ENTPD7: variants seen among roughly 807,000 people sequenced by gnomAD.
ENTPD7 encodes the protein ectonucleoside triphosphate diphosphohydrolase 7, also known as NTPDase 7.
In ENTPD7, 53 loss-of-function variants were observed where a neutral mutation model predicts 77.9. The ratio of observed to expected loss-of-function variants is 0.68; its 90% CI spans 0.55 to 0.85. The LOEUF (loss-of-function observed/expected upper bound fraction) is 0.85. ENTPD7 is among the 40% of genes least tolerant of loss of function. ENTPD7 has a pLI of 0.00. For synonymous variants in ENTPD7, 248 were observed against 274.9 expected (o/e 0.90, Z 0.97); for missense variants, 636 against 743.7 (o/e 0.86, Z 1.68).
At chr10:99,679,932 A>C in intron 5 of ENTPD7, 57 bp downstream of exon 5, 3 of 1,565,260 alleles carry the variant, frequency 1.9e-6, no homozygotes, top group Non-Finnish European at 2.6e-6. Context: ...ATGAAAGGCC[A>C]GTTTCATGCA....
At chr10:99,660,067 G>A in intron 2 of ENTPD7, 103 bp downstream of exon 2, 2 of 1,547,206 alleles carry the variant, frequency 1.3e-6, no homozygotes, top group Admixed American at 3.5e-5. Context: ...CCCTGGAGCT[G>A]CACTTGGACT....
chr10:99,666,179 T>C (rs1157637730), intron 3 of ENTPD7, among the ~76,000 whole-genome samples: 5 of 152,124 alleles, frequency 3.3e-5, no homozygotes, highest in African/African-American at 9.7e-5. Context: ...TTGAAAGGTT[T>C]TGAAGAGTGA....
At chr10:99,703,629 G>A (rs1020908773) in intron 12 of ENTPD7, among the ~76,000 whole-genome samples, 6 of 152,050 alleles carry the variant, frequency 3.9e-5, no homozygotes, top group African/African-American at 7.2e-5. Context: ...TTTTCATATC[G>A]CCTTATTTTT....
rs1304642291 is a variant in ENTPD7 at position 99,661,620 on chromosome 10, A to G, written c.183A>G (p.Gln61=). Residue 61 remains glutamine (Q), a synonymous_variant, in exon 3 of 13, where the codon CAA becomes CAG. Coordinates refer to ENST00000370489, the MANE Select transcript of ENTPD7 (RefSeq NM_020354.5). ...GTGCTTCATTACCACGAGATAGGCA[A>G]TACGAAAGGTGAGTCAGCTTTAGAT... The part of the protein sequence containing the change: ...HWSASLPRDR[Q]YERYLARVGE... The G allele has an allele frequency of 3.7e-6, 6 of 1,604,206 alleles. No homozygotes were observed. The highest frequency in any genetic ancestry group is 5.1e-6 in the Non-Finnish European group (6 of 1,176,328).
intron 2 of ENTPD7, 136 bp downstream of exon 2, chr10:99,660,100 C>A: frequency 2.3e-6 from 3 of 1,330,978 alleles, no homozygotes; most frequent in Non-Finnish European, 2.1e-6. Flanking sequence ...TAGTTGGATG[C>A]AGAGACGATC....
intron 3 of ENTPD7, among the ~76,000 whole-genome samples, chr10:99,677,971 T>C (rs752184400): frequency 3.9e-5 from 6 of 152,170 alleles, no homozygotes; most frequent in Non-Finnish European, 7.4e-5. Context: ...TTCATCTTCC[T>C]GATGTCAGCC....
At chr10:99,694,800 G>A (rs1374777977) in intron 8 of ENTPD7, among the ~76,000 whole-genome samples, 1 of 152,192 alleles carries the variant, frequency 6.6e-6, no homozygotes, top group Non-Finnish European at 1.5e-5. Context: ...GCCTCCCAAA[G>A]TGCTGGGATT....
At chr10:99,660,432 C>A in intron 2 of ENTPD7, 1 of 1,007,892 alleles carries the variant, frequency 9.9e-7, no homozygotes, top group Non-Finnish European at 1.3e-6. Flanking sequence ...TCTACATGCA[C>A]CAATAAGGGA....
chr10:99,661,537 C>T lies in ENTPD7; in HGVS notation c.100C>T (p.Leu34Phe). ...CCGTCAGCGGGTGGCATTCCTGGGA[C>T]TCTTCTTCATATCCTGTCTCCTTTT... ...FLRQRVAFLG[L>F]FFISCLLLLM... The change falls in exon 3 of 13, where the codon CTC (leucine) becomes TTC (phenylalanine). Residue 34 changes from leucine (L) to phenylalanine (F), a missense_variant. Physicochemically the swap from Leu to Phe is conservative, Grantham distance 22 (BLOSUM62 0). Coordinates refer to ENST00000370489, the MANE Select transcript of ENTPD7 (RefSeq NM_020354.5). 1 of 1,613,940 alleles carries T rather than the reference C, an allele frequency of 6.2e-7. No individual in the cohort carries two copies. Among genetic ancestry groups the T allele is most frequent in the Non-Finnish European group, 8.5e-7 (1 of 1,179,940 alleles).
chr10:99,704,722 T>C lies in ENTPD7; in HGVS notation c.*39T>C, dbSNP rs1461168561. The stretch of plus-strand genomic sequence containing the variant: ...CTAGAGAAGCTTGAGCACCCCCGAG[T>C]TGCTGCTCATTGAATTCCTCCACTT... On this transcript the variant is annotated 3_prime_UTR_variant, in exon 13 of 13. Coordinates refer to ENST00000370489, the MANE Select transcript of ENTPD7 (RefSeq NM_020354.5). 6.5e-7 allele frequency: 1 copy of C among 1,548,536 alleles called. No homozygotes were observed. The highest frequency in any genetic ancestry group is 1.2e-5 in the South Asian group (1 of 86,880).
rs1488868593 is a variant in ENTPD7, at chr10:99,705,986, A to C, written c.*1303A>C. 6.6e-6 allele frequency: 1 copy of C among 152,020 alleles called. No individual in the cohort carries two copies. The highest frequency in any genetic ancestry group is 1.5e-5 in the Non-Finnish European group (1 of 68,008). 9.4% of individuals were successfully genotyped at this position (152,020 alleles called of 1,614,324 possible). A position where few individuals can be genotyped will look rare whatever the true frequency, so the allele number is the denominator to read the frequency against. On this transcript the variant is annotated 3_prime_UTR_variant, in exon 13 of 13. Transcript: ENST00000370489. Reference sequence around the variant, plus strand: ...CCGCATGGAATCTTTCTTATATTTTACCCTTTCCTACATGTAGCCTTGAAT... The same window carrying C: ...CCGCATGGAATCTTTCTTATATTTTCCCCTTTCCTACATGTAGCCTTGAAT...
At position 99,705,371 on chromosome 10, in the gene ENTPD7, G is replaced by A. The variant is rs1217143695; in HGVS notation, c.*688G>A. ...GATTTTAGTATCTTATCTGATGCCT[G>A]GTATGATGAGGATAGAAAATTTTTC... On this transcript the variant is annotated 3_prime_UTR_variant, in exon 13 of 13. Coordinates refer to ENST00000370489, the MANE Select transcript of ENTPD7 (RefSeq NM_020354.5). 1 of 152,638 alleles carries A rather than the reference G, an allele frequency of 6.6e-6. No homozygotes were observed. The highest frequency in any genetic ancestry group is 1.5e-5 in the Non-Finnish European group (1 of 68,076). 9.5% of individuals were successfully genotyped at this position (152,638 alleles called of 1,614,324 possible).
In ENTPD7 at chr10:99,711,001, G is replaced by A. The variant is rs1266949545; in HGVS notation, c.*6318G>A. 16 of 984,718 alleles carry A rather than the reference G, an allele frequency of 1.6e-5. No individual in the cohort carries two copies. The highest frequency in any genetic ancestry group is 1.9e-5 in the Non-Finnish European group (16 of 829,656). 61.0% of individuals were successfully genotyped at this position (984,718 alleles called of 1,614,324 possible). A position where few individuals can be genotyped will look rare whatever the true frequency, so the allele number is the denominator to read the frequency against. On this transcript the variant is annotated 3_prime_UTR_variant, in exon 13 of 13. Transcript: ENST00000370489. ...GTGATGACTTGTTTTTTTGGAAAAAGGTATTTGGAACATCAATCTGTAATT... is the reference window on the plus strand; with the variant it reads ...GTGATGACTTGTTTTTTTGGAAAAAAGTATTTGGAACATCAATCTGTAATT...
chr10:99,690,922 A>C lies in ENTPD7; in HGVS notation c.710-463A>C, dbSNP rs561407091. On this transcript the variant is annotated intron_variant, in intron 7 of 12. Transcript: ENST00000370489. ...ACTAGGGATACGTAGTCAAAATGTC[A>C]TGTTTAAGTAATTCACAAGAATTAT... Among the ~76,000 whole-genome samples the C allele has an allele frequency of 3.4e-4, 52 of 152,292 alleles. 1 individual carries two copies. The highest frequency in any genetic ancestry group is 1.2e-3 in the African/African-American group (49 of 41,572).
chr10:99,709,065 G>C lies in ENTPD7; in HGVS notation c.*4382G>C. 1.0e-6 allele frequency: 1 copy of C among 982,004 alleles called. No homozygotes were observed. The highest frequency in any genetic ancestry group is 1.2e-6 in the Non-Finnish European group (1 of 827,016). The allele number at this position is 982,004 out of a possible 1,614,324, so 60.8% of individuals were successfully genotyped here. A position where few individuals can be genotyped will look rare whatever the true frequency, so the allele number is the denominator to read the frequency against. On this transcript the variant is annotated 3_prime_UTR_variant, in exon 13 of 13. Transcript: ENST00000370489. The stretch of plus-strand genomic sequence containing the variant: ...TATTCTTGTTCCTGTATTTCTTTTC[G>C]TACTTTTAAATTTTATACATCTTTT...
At position 99,704,897 on chromosome 10, in the gene ENTPD7, A is replaced by T. The variant is rs1443683758; in HGVS notation, c.*214A>T. The T allele has an allele frequency of 3.4e-6, 2 of 586,386 alleles. No homozygotes were observed. Among genetic ancestry groups the T allele is most frequent in the Non-Finnish European group, 6.0e-6 (2 of 332,056 alleles). 36.3% of individuals were successfully genotyped at this position (586,386 alleles called of 1,614,324 possible). ...AATCTGTGAGGAACTAAATGACAGG[A>T]GATTGGTGCTAATACGGGGGACCAA... On this transcript the variant is annotated 3_prime_UTR_variant, in exon 13 of 13. Coordinates refer to ENST00000370489, the MANE Select transcript of ENTPD7 (RefSeq NM_020354.5).
intron 3 of ENTPD7, among the ~76,000 whole-genome samples, chr10:99,664,679 G>T (rs2035527143): frequency 6.6e-6 from 1 of 151,580 alleles, no homozygotes; most frequent in African/African-American, 2.4e-5. Context: ...TCGATCTCCT[G>T]ACCTTGTGGT....
At chr10:99,690,413 T>G (rs2035865274) in intron 7 of ENTPD7, among the ~76,000 whole-genome samples, 1 of 152,242 alleles carries the variant, frequency 6.6e-6, no homozygotes, top group Admixed American at 6.5e-5. Flanking sequence ...CTGACTCATA[T>G]GTAAGATTAT....
chr10:99,710,179 T>C lies in ENTPD7; in HGVS notation c.*5496T>C, dbSNP rs2036337394. 1.0e-6 allele frequency: 1 copy of C among 985,444 alleles called. No individual in the cohort carries two copies. Among genetic ancestry groups the C allele is most frequent in the African/African-American group, 1.7e-5 (1 of 57,354 alleles). The allele number at this position is 985,444 out of a possible 1,614,324, so 61.0% of individuals were successfully genotyped here. ...AAGGCAGCCCTGGTACTTTCCTAAG[T>C]GGCCCCTCCTACAGAGCACTTGCCG... is the stretch of plus-strand genomic sequence containing the variant. On this transcript the variant is annotated 3_prime_UTR_variant, in exon 13 of 13. Transcript: ENST00000370489.
Sources: gnomAD v4.1 joint callset for allele counts (sites outside exome capture counted in the v4.1 genomes callset) on GRCh38, gnomAD v4.1.1 for gene constraint, MANE v1.5 for transcripts, NCBI Gene and HGNC (gene_info 2026-07-23, HGNC 2026-07-21) for gene names.